Variants in ANGPT1 observed in about 807,000 individuals in gnomAD.
ANGPT1 encodes the protein angiopoietin-1.
In ANGPT1, 17 loss-of-function variants were observed where a neutral mutation model predicts 62.2. That is an observed-to-expected ratio of 0.27 (90% CI 0.19 to 0.41). The LOEUF (loss-of-function observed/expected upper bound fraction) is 0.41. ANGPT1 is among the 10% of genes least tolerant of loss of function. ANGPT1 has a pLI of 1.00. For missense variants in ANGPT1, 478 were observed against 594.9 expected (o/e 0.80, Z 2.04); for synonymous variants, 199 against 198.9 (o/e 1.00, Z 0.00).
chr8:107,252,143 C>A (rs1234233507), intron 8 of ANGPT1, 128 bp from the exon 9 acceptor site: 2 of 940,722 alleles, frequency 2.1e-6, no homozygotes, highest in Non-Finnish European at 3.2e-6. Flanking sequence ...TTTGCAATTA[C>A]GAGGCATCAG....
chr8:107,285,553 G>A (rs1041451350), intron 6 of ANGPT1, among the ~76,000 whole-genome samples: 3 of 152,128 alleles, frequency 2.0e-5, no homozygotes, highest in African/African-American at 7.2e-5. Context: ...GCTCCTGAGT[G>A]AACCTAGCTG....
intron 1 of ANGPT1, among the ~76,000 whole-genome samples, chr8:107,370,720 A>AAG (rs1816389962): frequency 6.8e-6 from 1 of 146,556 alleles, no homozygotes; most frequent in Non-Finnish European, 1.5e-5. Flanking sequence ...AAAAAAAAAA[A>AAG]AAGAGGAAGA....
chr8:107,475,674 G>A (rs948909648), intron 1 of ANGPT1, among the ~76,000 whole-genome samples: 15 of 152,122 alleles, frequency 9.9e-5, no homozygotes, highest in Non-Finnish European at 8.8e-5. Flanking sequence ...GAAAATTTTT[G>A]CAATTTACTC....
Position 107,380,200 on chromosome 8 carries a change from C to G in ANGPT1, c.298-33103G>C, listed in dbSNP as rs141085938. 4.8e-3 allele frequency among the ~76,000 whole-genome samples: 726 copies of G among 152,164 alleles called. 9 individuals carry two copies. The highest frequency in any genetic ancestry group is 0.017 in the African/African-American group (692 of 41,498). ...TAGAATAGAGAAGGAATGCCAATAT[C>G]TAAAGTTTATTACACACATGTGCCA... is the stretch of plus-strand genomic sequence containing the variant. On this transcript the variant is annotated intron_variant, in intron 1 of 8. Coordinates refer to ENST00000517746, the MANE Select transcript of ANGPT1 (RefSeq NM_001146.5).
At chr8:107,272,889 T>TAA (rs34340048) in intron 7 of ANGPT1, among the ~76,000 whole-genome samples, 5 of 144,466 alleles carry the variant, frequency 3.5e-5, no homozygotes, top group Admixed American at 2.1e-4. Flanking sequence ...TAAGAATACA[T>TAA]AAAAAAAAAA....
At chr8:107,349,134 A>ATAGATAGG (rs1195525927) in intron 1 of ANGPT1, among the ~76,000 whole-genome samples, 2 of 151,506 alleles carry the variant, frequency 1.3e-5, no homozygotes, top group Non-Finnish European at 2.9e-5. Context: ...AGATAGATAG[A>ATAGATAGG]TAGATAGATA....
At chr8:107,369,656 G>A (rs1350918696) in intron 1 of ANGPT1, among the ~76,000 whole-genome samples, 2 of 152,022 alleles carry the variant, frequency 1.3e-5, no homozygotes, top group Non-Finnish European at 2.9e-5. Flanking sequence ...GCCACTGTAG[G>A]GTTATTCATT....
At position 107,250,427 on chromosome 8, in the gene ANGPT1, CT is replaced by C. The variant is rs1407013999; in HGVS notation, c.*1427del. On this transcript the variant is annotated 3_prime_UTR_variant, in exon 9 of 9. Transcript: ENST00000517746. Reference sequence around the variant, plus strand: ...TAGTCAGGTGACTATGATTAATTTTCTTTTTGTATATATTTCCCTTACATAT... The same window carrying C: ...TAGTCAGGTGACTATGATTAATTTTCTTTTGTATATATTTCCCTTACATAT... The C allele has an allele frequency of 2.6e-5, 4 of 151,582 alleles. No homozygotes were observed. The highest frequency in any genetic ancestry group is 5.9e-5 in the Non-Finnish European group (4 of 67,942). The allele number at this position is 151,582 out of a possible 1,614,324, so 9.4% of individuals were successfully genotyped here. A position where few individuals can be genotyped will look rare whatever the true frequency, so the allele number is the denominator to read the frequency against.
intron 1 of ANGPT1, among the ~76,000 whole-genome samples, chr8:107,416,329 C>T (rs544055456): frequency 6.6e-6 from 1 of 152,272 alleles, no homozygotes; most frequent in Non-Finnish European, 1.5e-5. Context: ...TTCAGGGAAC[C>T]ATCTACTTAT....
At chr8:107,364,059 G>A (rs1816222315) in intron 1 of ANGPT1, among the ~76,000 whole-genome samples, 1 of 152,030 alleles carries the variant, frequency 6.6e-6, no homozygotes, top group Non-Finnish European at 1.5e-5. Context: ...TGGCCATAAA[G>A]TCTATAGGTA....
At chr8:107,340,643 G>A (rs986974478) in intron 2 of ANGPT1, among the ~76,000 whole-genome samples, 5 of 149,990 alleles carry the variant, frequency 3.3e-5, no homozygotes, top group African/African-American at 9.9e-5. Flanking sequence ...GGTGAGGTGT[G>A]CCCAGCAATT....
chr8:107,455,052 T>C (rs921592238), intron 1 of ANGPT1, among the ~76,000 whole-genome samples: 1 of 152,070 alleles, frequency 6.6e-6, no homozygotes. Context: ...AGAAGCCTTT[T>C]ACTCAACCTA....
intron 1 of ANGPT1, among the ~76,000 whole-genome samples, chr8:107,383,451 G>A (rs962536942): frequency 9.2e-5 from 14 of 152,274 alleles, no homozygotes; most frequent in Middle Eastern, 6.8e-3. Context: ...AACAGGACTT[G>A]TTCTTCTTGC....
chr8:107,330,568 G>A (rs1170259949), intron 3 of ANGPT1, among the ~76,000 whole-genome samples: 1 of 152,156 alleles, frequency 6.6e-6, no homozygotes, highest in Non-Finnish European at 1.5e-5. Flanking sequence ...GAGGAAAATA[G>A]TCTGACTTGC....
chr8:107,455,192 C>T (rs1343206748), intron 1 of ANGPT1, among the ~76,000 whole-genome samples: 1 of 152,044 alleles, frequency 6.6e-6, no homozygotes, highest in South Asian at 2.1e-4. Context: ...CATTCCTTAG[C>T]AGAGCCTTTC....
At chr8:107,421,347 A>G (rs1011307005) in intron 1 of ANGPT1, among the ~76,000 whole-genome samples, 1 of 152,190 alleles carries the variant, frequency 6.6e-6, no homozygotes, top group Non-Finnish European at 1.5e-5. Context: ...AAGAAAGTCA[A>G]AAACATTTCT....
At chr8:107,281,606 G>T (rs539328927) in intron 7 of ANGPT1, among the ~76,000 whole-genome samples, 1 of 151,898 alleles carries the variant, frequency 6.6e-6, no homozygotes, top group Non-Finnish European at 1.5e-5. Flanking sequence ...GTGAAACTCC[G>T]TCTCTACTAA....
chr8:107,497,057 C>T (rs1000752517), intron 1 of ANGPT1, among the ~76,000 whole-genome samples: 1 of 152,074 alleles, frequency 6.6e-6, no homozygotes, highest in African/African-American at 2.4e-5. Context: ...AACGGGGTGC[C>T]CCCACACATT....
chr8:107,282,592 A>ATT (rs1269810174), intron 7 of ANGPT1, among the ~76,000 whole-genome samples: 1 of 124,072 alleles, frequency 8.1e-6, no homozygotes, highest in Non-Finnish European at 1.7e-5. Flanking sequence ...ATATATATAT[A>ATT]TATGAGCCTC....
Sources: gnomAD v4.1 joint callset for allele counts (sites outside exome capture counted in the v4.1 genomes callset) on GRCh38, gnomAD v4.1.1 for gene constraint, MANE v1.5 for transcripts, NCBI Gene and HGNC (gene_info 2026-07-23, HGNC 2026-07-21) for gene names.